SLC4A7: variants seen among roughly 807,000 people sequenced by gnomAD.
The protein encoded by SLC4A7 is solute carrier family 4 member 7, also known as sodium bicarbonate cotransporter 3.
In SLC4A7, 51 loss-of-function variants were observed where a neutral mutation model predicts 137.6. The observed-to-expected ratio is 0.37, with a 90% confidence interval of 0.30 to 0.47. The LOEUF (loss-of-function observed/expected upper bound fraction) is 0.47. Ranked by LOEUF, SLC4A7 falls within the 20% of genes least tolerant of loss-of-function variation. The probability of loss-of-function intolerance (pLI) is 1.00; values close to 1 mark genes in which losing one functional copy is unlikely to be tolerated. For synonymous variants in SLC4A7, 542 were observed against 518.6 expected (o/e 1.05, Z -0.61); for missense variants, 1,247 against 1,525.4 (o/e 0.82, Z 3.04).
rs982529427 is a variant in SLC4A7, at chr3:27,484,194, G to A, written c.-68C>T. On this transcript the variant is annotated 5_prime_UTR_variant, in exon 1 of 26. Transcript: ENST00000454389. Reference sequence around the variant, plus strand: ...GCGCGGTCTGCCTGCTTCTGCCGCTGCCCCTGCCGCCGCCGCCGAGCCCCC... The same window carrying A: ...GCGCGGTCTGCCTGCTTCTGCCGCTACCCCTGCCGCCGCCGCCGAGCCCCC... 4 of 1,183,568 alleles carry A rather than the reference G, an allele frequency of 3.4e-6. No individual in the cohort carries two copies. The highest frequency in any genetic ancestry group is 3.2e-5 in the African/African-American group (2 of 62,382). The allele number at this position is 1,183,568 out of a possible 1,614,324, so 73.3% of individuals were successfully genotyped here.
In SLC4A7 at chr3:27,461,381, G is replaced by A. The variant is rs58986822; in HGVS notation, c.61-8883C>T. 1.1e-4 allele frequency among the ~76,000 whole-genome samples: 17 copies of A among 151,822 alleles called. No individual in the cohort carries two copies. In the East Asian group the frequency reaches 2.7e-3, roughly 24 times the overall value. On this transcript the variant is annotated intron_variant, in intron 1 of 25. Transcript: ENST00000454389. ...GCCACTGCACTCCAACCTGAGTGAC[G>A]AAGCGAGACACTGTCTCAAAAAAAA...
At position 27,375,572 on chromosome 3, in the gene SLC4A7, T is replaced by G. The variant is rs2049846782; in HGVS notation, c.*1192A>C. The stretch of plus-strand genomic sequence containing the variant: ...TTAAAATATAAATATGGCAGTGCTT[T>G]ATATCAAAGATGTAAAATCTATCAA... On this transcript the variant is annotated 3_prime_UTR_variant, in exon 26 of 26. Coordinates refer to ENST00000454389, the MANE Select transcript of SLC4A7 (RefSeq NM_001321103.2). 6.6e-6 allele frequency: 1 copy of G among 152,434 alleles called. No individual in the cohort carries two copies. Among genetic ancestry groups the G allele is most frequent in the African/African-American group, 2.4e-5 (1 of 41,430 alleles). 9.4% of individuals were successfully genotyped at this position (152,434 alleles called of 1,614,324 possible).
Position 27,404,866 on chromosome 3 carries a change from A to C in SLC4A7, c.2039T>G (p.Val680Gly), listed in dbSNP as rs767989946. The part of the protein sequence containing the change: ...PLTILGSTGP[V>G]LVFEKILYKF... Reference sequence around the variant, plus strand: ...ATATAAAATTTTTTCAAACACTAGAACTGGACCTGTGCTCCCCAATATTGT... The same window carrying C: ...ATATAAAATTTTTTCAAACACTAGACCTGGACCTGTGCTCCCCAATATTGT... The change falls in exon 14 of 26, where the codon GTT becomes GGT. Residue 680 changes from valine (V) to glycine (G), a missense_variant. Coordinates refer to ENST00000454389, the MANE Select transcript of SLC4A7 (RefSeq NM_001321103.2). 1 of 1,610,544 alleles carries C rather than the reference A, an allele frequency of 6.2e-7. No homozygotes were observed. Among genetic ancestry groups the C allele is most frequent in the Non-Finnish European group, 8.5e-7 (1 of 1,178,742 alleles).
intron 12 of SLC4A7, among the ~76,000 whole-genome samples, chr3:27,410,980 A>T (rs571769052): frequency 6.6e-6 from 1 of 152,290 alleles, no homozygotes; most frequent in South Asian, 2.1e-4. Flanking sequence ...AATATTTAAG[A>T]TTATTTAATT....
chr3:27,445,464 A>C (rs2057517545), intron 3 of SLC4A7, among the ~76,000 whole-genome samples: 1 of 152,132 alleles, frequency 6.6e-6, no homozygotes, highest in Admixed American at 6.6e-5. Flanking sequence ...CAGAAACCAA[A>C]GTCCTGTGCT....
At chr3:27,421,034 A>T (rs1011116014) in intron 9 of SLC4A7, among the ~76,000 whole-genome samples, 1 of 152,014 alleles carries the variant, frequency 6.6e-6, no homozygotes, top group Non-Finnish European at 1.5e-5. Flanking sequence ...ACCTCAGGTG[A>T]TCCACCCACC....
At chr3:27,446,142 A>G (rs1278358687) in intron 3 of SLC4A7, among the ~76,000 whole-genome samples, 1 of 150,668 alleles carries the variant, frequency 6.6e-6, no homozygotes, top group African/African-American at 2.4e-5. Flanking sequence ...ATATATATAA[A>G]AATCATACTG....
chr3:27,464,362 T>A (rs889989547), intron 1 of SLC4A7, among the ~76,000 whole-genome samples: 3 of 152,172 alleles, frequency 2.0e-5, no homozygotes, highest in Non-Finnish European at 2.9e-5. Flanking sequence ...ATATAAAAGA[T>A]AACTGATAAT....
At chr3:27,480,302 C>T (rs1365253680) in intron 1 of SLC4A7, among the ~76,000 whole-genome samples, 1 of 152,194 alleles carries the variant, frequency 6.6e-6, no homozygotes, top group African/African-American at 2.4e-5. Context: ...GGCATAATCA[C>T]AGCTCACTGC....
chr3:27,433,707 A>G (rs2056502877), intron 6 of SLC4A7, among the ~76,000 whole-genome samples: 1 of 152,236 alleles, frequency 6.6e-6, no homozygotes, highest in Non-Finnish European at 1.5e-5. Context: ...TAGAATTTCA[A>G]AAAGGTAATA....
At chr3:27,423,039 G>A (rs957695780) in intron 8 of SLC4A7, among the ~76,000 whole-genome samples, 1 of 152,130 alleles carries the variant, frequency 6.6e-6, no homozygotes, top group African/African-American at 2.4e-5. Flanking sequence ...GAAATAACAT[G>A]AGCACCAGTA....
intron 2 of SLC4A7, among the ~76,000 whole-genome samples, chr3:27,449,714 C>CT (rs1209885995): frequency 6.6e-6 from 1 of 152,126 alleles, no homozygotes; most frequent in Non-Finnish European, 1.5e-5. Context: ...GCTAGGAGCA[C>CT]TATGTCAAAT....
intron 8 of SLC4A7, among the ~76,000 whole-genome samples, chr3:27,422,084 G>A (rs1367307544): frequency 2.0e-5 from 3 of 152,108 alleles, no homozygotes; most frequent in Non-Finnish European, 4.4e-5. Flanking sequence ...CAAATATGTA[G>A]TTCACAAACT....
At chr3:27,477,022 T>C (rs1432927239) in intron 1 of SLC4A7, among the ~76,000 whole-genome samples, 1 of 152,220 alleles carries the variant, frequency 6.6e-6, no homozygotes, top group Non-Finnish European at 1.5e-5. Context: ...TTTCAGATAC[T>C]TAATTTCTGT....
chr3:27,459,628 A>G (rs1330963024), intron 1 of SLC4A7, among the ~76,000 whole-genome samples: 1 of 152,206 alleles, frequency 6.6e-6, no homozygotes, highest in African/African-American at 2.4e-5. Context: ...AGCATTCATT[A>G]CACACTTACT....
rs1403677592 is a variant in SLC4A7, at chr3:27,394,722, C to T, written c.2913G>A (p.Leu971=). 4 of 1,614,042 alleles carry T rather than the reference C, an allele frequency of 2.5e-6. No individual in the cohort carries two copies. Among genetic ancestry groups the T allele is most frequent in the Non-Finnish European group, 3.4e-6 (4 of 1,180,022 alleles). The change falls in exon 20 of 26, where the codon TTG becomes TTA. Residue 971 remains leucine, a synonymous_variant. Coordinates refer to ENST00000454389, the MANE Select transcript of SLC4A7 (RefSeq NM_001321103.2). ...HLDLLMVGVM[L]GVCSVMGLPW... ...GAAGTCCCATGACAGAGCAAACTCCCAACATAACGCCAACCATGAGCAAAT... is the reference window on the plus strand; with the variant it reads ...GAAGTCCCATGACAGAGCAAACTCCTAACATAACGCCAACCATGAGCAAAT...
intron 3 of SLC4A7, 49 bp downstream of exon 3, chr3:27,448,602 C>T: frequency 1.3e-6 from 2 of 1,503,640 alleles, no homozygotes; most frequent in Non-Finnish European, 1.8e-6. Context: ...AAATACTTTC[C>T]AGGAAAATAG....
chr3:27,443,161 G>A (rs1478428363), intron 3 of SLC4A7, among the ~76,000 whole-genome samples: 1 of 150,606 alleles, frequency 6.6e-6, no homozygotes, highest in East Asian at 2.0e-4. Flanking sequence ...CCTCTGGGTA[G>A]CTGGGACTAC....
rs1026353784 is a variant in SLC4A7 at position 27,373,481 on chromosome 3, T to A, written c.*3283A>T. 6.6e-6 allele frequency: 1 copy of A among 152,168 alleles called. No homozygotes were observed. The highest frequency in any genetic ancestry group is 1.5e-5 in the Non-Finnish European group (1 of 67,988). 9.4% of individuals were successfully genotyped at this position (152,168 alleles called of 1,614,324 possible). A position where few individuals can be genotyped will look rare whatever the true frequency, so the allele number is the denominator to read the frequency against. On this transcript the variant is annotated 3_prime_UTR_variant, in exon 26 of 26. Transcript: ENST00000454389. ...AATGATGTGATCTACATAAATAAAT[T>A]TAAAACATTAAGTTATTTCATATAA...
Sources: allele counts gnomAD v4.1 joint callset (sites outside exome capture counted in the v4.1 genomes callset), GRCh38; gene constraint gnomAD v4.1.1; transcripts MANE v1.5; gene names NCBI Gene and HGNC (gene_info 2026-07-23, HGNC 2026-07-21).